CUX1: variants seen among roughly 807,000 people sequenced by gnomAD.
The protein encoded by CUX1 is protein CASP.
CUX1 carries 31 observed loss-of-function variants against 158.8 expected under a neutral mutation model. The observed-to-expected ratio is 0.20, with a 90% CI of 0.15 to 0.26. The LOEUF (loss-of-function observed/expected upper bound fraction) is 0.26, where lower values mean the gene tolerates loss of function less well. Among genes scored for constraint, CUX1 ranks in the 10% least tolerant of loss-of-function variants. The probability of loss-of-function intolerance (pLI) is 1.00; values close to 1 mark genes in which losing one functional copy is unlikely to be tolerated. For missense variants in CUX1, 1,589 were observed against 2,014.6 expected (o/e 0.79, Z 4.04); for synonymous variants, 879 against 862.1 (o/e 1.02, Z -0.34).
Position 102,254,617 on chromosome 7 carries a change from C to T in CUX1, c.*5575C>T. 2 of 985,492 alleles carry T rather than the reference C, an allele frequency of 2.0e-6. No homozygotes were observed. The highest frequency in any genetic ancestry group is 2.4e-6 in the Non-Finnish European group (2 of 829,970). 61.0% of individuals were successfully genotyped at this position (985,492 alleles called of 1,614,324 possible). ...GCAAGTAAGAACCTAAGGATGGGGA[C>T]AGCATCCTGTGCTTGGGCATTGACC... On this transcript the variant is annotated 3_prime_UTR_variant, in exon 24 of 24. Coordinates refer to ENST00000292535, the MANE Select transcript of CUX1 (RefSeq NM_181552.4).
At chr7:101,821,422 T>A (rs925112049) in intron 1 of CUX1, among the ~76,000 whole-genome samples, 1 of 150,730 alleles carries the variant, frequency 6.6e-6, no homozygotes, top group African/African-American at 2.4e-5. Flanking sequence ...CACTGCAAAC[T>A]CCGCCTCCCG....
At chr7:101,984,069 TCC>T (rs369578464) in intron 2 of CUX1, among the ~76,000 whole-genome samples, 14,487 of 64,700 alleles carry the variant, frequency 0.22, 1,655 homozygotes, top group Middle Eastern at 0.36. Flanking sequence ...CAAGACTCTG[TCC>T]CCCCCCAAAA....
chr7:102,224,793 C>T (rs1347555551), intron 20 of CUX1, among the ~76,000 whole-genome samples: 1 of 152,200 alleles, frequency 6.6e-6, no homozygotes, highest in Non-Finnish European at 1.5e-5. Flanking sequence ...GCACCCAGAA[C>T]AAAACAGGGA....
intron 3 of CUX1, among the ~76,000 whole-genome samples, chr7:102,038,137 C>G (rs1821665960): frequency 1.3e-5 from 2 of 151,980 alleles, no homozygotes; most frequent in Non-Finnish European, 2.9e-5. Context: ...TTGCCGTTCT[C>G]AATACTTTTC....
At chr7:101,843,696 G>A (rs1795396248) in intron 1 of CUX1, among the ~76,000 whole-genome samples, 1 of 152,086 alleles carries the variant, frequency 6.6e-6, no homozygotes, top group Non-Finnish European at 1.5e-5. Flanking sequence ...TGTCAAACAA[G>A]TTAAGTGATA....
At position 102,042,864 on chromosome 7, in the gene CUX1, A is replaced by G. The variant is rs192331832; in HGVS notation, c.189+14719A>G. Among the ~76,000 whole-genome samples, 52 of 152,256 alleles carry G rather than the reference A, an allele frequency of 3.4e-4. 1 individual carries two copies. The highest frequency in any genetic ancestry group is 1.1e-3 in the African/African-American group (44 of 41,568). On this transcript the variant is annotated intron_variant, in intron 3 of 23. Transcript: ENST00000292535. Reference sequence around the variant, plus strand: ...GAGTGCAGTGGCATAATCAGGGCTCACTGCAGCCTTGACCTCCCGGGCTCA... The same window carrying G: ...GAGTGCAGTGGCATAATCAGGGCTCGCTGCAGCCTTGACCTCCCGGGCTCA...
intron 5 of CUX1, among the ~76,000 whole-genome samples, chr7:102,101,865 T>C (rs1829809543): frequency 1.3e-5 from 2 of 151,242 alleles, no homozygotes; most frequent in South Asian, 4.2e-4. Context: ...TGGGCCGAGA[T>C]TGCGCCACTG....
chr7:101,928,159 C>T (rs1805837316), intron 2 of CUX1, among the ~76,000 whole-genome samples: 1 of 152,088 alleles, frequency 6.6e-6, no homozygotes, highest in South Asian at 2.1e-4. Context: ...CAAAAACATG[C>T]TGCGTTCTAT....
chr7:101,825,753 CTGTGTGTGTGTGTGTGTG>C (rs537662700), intron 1 of CUX1, among the ~76,000 whole-genome samples: 4 of 129,536 alleles, frequency 3.1e-5, no homozygotes, highest in South Asian at 3.1e-4. Flanking sequence ...TTAATGAAAT[CTGTGTGTGTGTGTGTGTG>C]TGTGTGTGTG....
At chr7:102,106,700 G>A (rs1002693330) in intron 6 of CUX1, among the ~76,000 whole-genome samples, 1 of 152,122 alleles carries the variant, frequency 6.6e-6, no homozygotes, top group Non-Finnish European at 1.5e-5. Flanking sequence ...ACTGTCCTCA[G>A]CTGCTACTGG....
chr7:102,217,322 C>T (rs960043614), intron 20 of CUX1, among the ~76,000 whole-genome samples: 13 of 152,354 alleles, frequency 8.5e-5, no homozygotes, highest in Non-Finnish European at 1.8e-4. Context: ...ATACACAAGC[C>T]AACTGAGCCC....
rs1801037238 is a variant in CUX1, at chr7:102,248,272, A to T, written c.3888-140A>T. On this transcript the variant is annotated intron_variant, in intron 23 of 23. Coordinates refer to ENST00000292535, the MANE Select transcript of CUX1 (RefSeq NM_181552.4). The surrounding 1 kb of genome is among the most constrained non-coding windows in gnomAD (Gnocchi z 5.8). ...TGGAGAGGGGCTGCCCCGTGGCCCGAGGGTCGCTGGAGGGGCACGGAGGGG... is the reference window on the plus strand; with the variant it reads ...TGGAGAGGGGCTGCCCCGTGGCCCGTGGGTCGCTGGAGGGGCACGGAGGGG... The T allele has an allele frequency of 2.7e-6, 2 of 729,078 alleles. No homozygotes were observed. Among genetic ancestry groups the T allele is most frequent in the African/African-American group, 1.9e-5 (1 of 52,616 alleles). 45.2% of individuals were successfully genotyped at this position (729,078 alleles called of 1,614,324 possible). A position where few individuals can be genotyped will look rare whatever the true frequency, so the allele number is the denominator to read the frequency against.
intron 1 of CUX1, among the ~76,000 whole-genome samples, chr7:101,874,637 A>C (rs1252810265): frequency 6.6e-6 from 1 of 152,088 alleles, no homozygotes; most frequent in Non-Finnish European, 1.5e-5. Context: ...CCAGGTCCTC[A>C]AGCTGGCCAG....
intron 3 of CUX1, among the ~76,000 whole-genome samples, chr7:102,045,868 G>GGGGACCCGCTCCA (rs1169086006): frequency 6.6e-6 from 1 of 152,204 alleles, no homozygotes; most frequent in East Asian, 1.9e-4. Flanking sequence ...ATCTCCGCCA[G>GGGGACCCGCTCCA]GGGACCCGCT....
chr7:102,279,697 C>T (rs1453022220), intron 18 of CUX1, among the ~76,000 whole-genome samples: 1 of 152,214 alleles, frequency 6.6e-6, no homozygotes, highest in Admixed American at 6.5e-5. Flanking sequence ...GGGGGCGTCT[C>T]CTCTCCCAGC....
chr7:102,134,070 C>A (rs182980781), intron 8 of CUX1, among the ~76,000 whole-genome samples: 19 of 152,314 alleles, frequency 1.2e-4, no homozygotes, highest in Non-Finnish European at 2.6e-4. Flanking sequence ...CGCGCTGGCT[C>A]ACACCTGTAA....
rs782303008 is a variant in CUX1 at position 102,196,700 on chromosome 7, C to G, written c.1289C>G (p.Pro430Arg). The part of the protein sequence containing the change: ...SRRPGSLPAP[P>R]PSQLPRNPGE... ...CGCCCGGGATCTTTGCCGGCCCCCC[C>G]TCCTTCTCAGTTGCCCCGCAACCCG... The change falls in exon 15 of 24, where the codon CCT becomes CGT. Residue 430 changes from proline (P) to arginine (R), a missense_variant. Physicochemically the swap from Pro to Arg is moderately radical, Grantham distance 103. Around this residue, in one of 8 missense-constraint regions of CUX1, gnomAD observed 515 missense variants for 574.4 expected, o/e 0.90. Coordinates refer to ENST00000292535, the MANE Select transcript of CUX1 (RefSeq NM_181552.4). The G allele has an allele frequency of 5.6e-6, 9 of 1,608,300 alleles. No individual in the cohort carries two copies. The highest frequency in any genetic ancestry group is 1.1e-5 in the South Asian group (1 of 90,636).
intron 1 of CUX1, among the ~76,000 whole-genome samples, chr7:101,825,165 C>T (rs1457349098): frequency 1.3e-5 from 2 of 152,194 alleles, no homozygotes. Flanking sequence ...GCTAAAATTA[C>T]GACCAGAGCT....
chr7:102,221,830 T>C (rs1797835462), intron 20 of CUX1, among the ~76,000 whole-genome samples: 1 of 152,088 alleles, frequency 6.6e-6, no homozygotes, highest in Non-Finnish European at 1.5e-5. Flanking sequence ...TGGATGGTAC[T>C]GTGCAGTGGG....
Sources: allele counts gnomAD v4.1 joint callset (sites outside exome capture counted in the v4.1 genomes callset), GRCh38; gene constraint gnomAD v4.1.1; regional missense constraint gnomAD v4.1.1; non-coding constraint Gnocchi (gnomAD v3.1); transcripts MANE v1.5; gene names NCBI Gene and HGNC (gene_info 2026-07-23, HGNC 2026-07-21).